ORC4: variants seen among roughly 807,000 people sequenced by gnomAD.
ORC4 encodes origin recognition complex, subunit 4 homolog.
In ORC4, 55 loss-of-function variants were observed where a neutral mutation model predicts 63.9. The ratio of observed to expected loss-of-function variants is 0.86; its 90% confidence interval spans 0.69 to 1.08. The LOEUF (loss-of-function observed/expected upper bound fraction) is 1.08, where lower values mean the gene tolerates loss of function less well. ORC4 is among the 50% of genes least tolerant of loss of function. The probability of loss-of-function intolerance (pLI) is 0.00; values close to 1 mark genes in which losing one functional copy is unlikely to be tolerated. For missense variants in ORC4, 511 were observed against 504.4 expected, an observed-to-expected ratio of 1.01 and a Z score of -0.13; for synonymous variants, 150 against 168.5, an observed-to-expected ratio of 0.89 and a Z score of 0.85.
chr2:147,955,902 A>T (rs1689220051), intron 6 of ORC4, among the ~76,000 whole-genome samples: 1 of 152,008 alleles, frequency 6.6e-6, no homozygotes, highest in Admixed American at 6.6e-5. Context: ...TAGATACTAT[A>T]ACAGTGTTTG....
chr2:147,989,381 T>C (rs1019885928), intron 1 of ORC4, among the ~76,000 whole-genome samples: 1 of 152,074 alleles, frequency 6.6e-6, no homozygotes, highest in Admixed American at 6.6e-5. Context: ...TTTTTTGTTT[T>C]CTCATACCCA....
At chr2:148,013,226 A>C (rs190320437) in intron 1 of ORC4, among the ~76,000 whole-genome samples, 1 of 152,350 alleles carries the variant, frequency 6.6e-6, no homozygotes, top group East Asian at 1.9e-4. Context: ...GTACATATAC[A>C]CAATGGAATG....
chr2:147,975,561 G>T (rs1690500022), intron 2 of ORC4, among the ~76,000 whole-genome samples: 1 of 147,764 alleles, frequency 6.8e-6, no homozygotes, highest in Admixed American at 6.8e-5. Flanking sequence ...CTAGAATTCT[G>T]ACTACCCAGA....
chr2:147,980,478 A>G (rs1431131204), intron 1 of ORC4, among the ~76,000 whole-genome samples: 1 of 152,140 alleles, frequency 6.6e-6, no homozygotes, highest in East Asian at 1.9e-4. Context: ...TGTATAAGGA[A>G]CTAAAAAAAA....
intron 1 of ORC4, among the ~76,000 whole-genome samples, chr2:147,990,644 C>T (rs1691525787): frequency 6.6e-6 from 1 of 152,158 alleles, no homozygotes; most frequent in Non-Finnish European, 1.5e-5. Flanking sequence ...AACTTTTGGA[C>T]CACAGGTGAA....
intron 7 of ORC4, among the ~76,000 whole-genome samples, chr2:147,954,823 T>C (rs1689152318): frequency 6.6e-6 from 1 of 152,142 alleles, no homozygotes. Context: ...GAAAAAGGTA[T>C]TATCAAATAT....
chr2:147,975,763 C>A, intron 2 of ORC4, 139 bp downstream of exon 2: 1 of 682,634 alleles, frequency 1.5e-6, no homozygotes, highest in Non-Finnish European at 2.7e-6. Context: ...GTTAAGGTCT[C>A]GTACTGATAT....
intron 1 of ORC4, among the ~76,000 whole-genome samples, chr2:147,987,891 A>C (rs1354771871): frequency 6.6e-6 from 1 of 151,888 alleles, no homozygotes; most frequent in African/African-American, 2.4e-5. Flanking sequence ...ATCTCTACTA[A>C]AAATACAAAA....
intron 10 of ORC4, among the ~76,000 whole-genome samples, chr2:147,939,650 A>G (rs941671896): frequency 6.6e-6 from 1 of 152,132 alleles, no homozygotes; most frequent in Non-Finnish European, 1.5e-5. Flanking sequence ...CCAATCATCC[A>G]GCCAGGTTAG....
chr2:147,994,467 T>C (rs929978171), intron 1 of ORC4, among the ~76,000 whole-genome samples: 1 of 152,092 alleles, frequency 6.6e-6, no homozygotes, highest in African/African-American at 2.4e-5. Flanking sequence ...TACTAATCAA[T>C]ACAGTGTGAT....
intron 7 of ORC4, among the ~76,000 whole-genome samples, chr2:147,953,496 T>C (rs1689078075): frequency 6.6e-6 from 1 of 152,180 alleles, no homozygotes; most frequent in Non-Finnish European, 1.5e-5. Context: ...GATTAAAATA[T>C]AAGGGGAGTC....
At chr2:147,958,158 C>T (rs1689368400) in intron 6 of ORC4, 140 bp downstream of exon 6, 2 of 614,514 alleles carry the variant, frequency 3.3e-6, no homozygotes, top group East Asian at 2.8e-5. Context: ...ATACATTACA[C>T]ATTTTTATGA....
intron 1 of ORC4, among the ~76,000 whole-genome samples, chr2:148,017,530 G>C (rs2105483279): frequency 6.6e-6 from 1 of 152,272 alleles, no homozygotes; most frequent in Non-Finnish European, 1.5e-5. Context: ...ACATTAGCCA[G>C]GTGTGGTGGC....
In ORC4 at chr2:147,933,187, C is replaced by T. The variant is rs891947729; in HGVS notation, c.*2323G>A. ...CATGCATTTTTTGGTTCTATTTTTCCTCCTCTAGTAAATGAAGAAAATAAG... is the reference window on the plus strand; with the variant it reads ...CATGCATTTTTTGGTTCTATTTTTCTTCCTCTAGTAAATGAAGAAAATAAG... On this transcript the variant is annotated 3_prime_UTR_variant, in exon 14 of 14. Coordinates refer to ENST00000392857, the MANE Select transcript of ORC4 (RefSeq NM_181741.4). 6.6e-6 allele frequency: 1 copy of T among 151,982 alleles called. No homozygotes were observed. Among genetic ancestry groups the T allele is most frequent in the Non-Finnish European group, 1.5e-5 (1 of 67,994 alleles). The allele number at this position is 151,982 out of a possible 1,614,324, so 9.4% of individuals were successfully genotyped here. A position where few individuals can be genotyped will look rare whatever the true frequency, so the allele number is the denominator to read the frequency against.
At position 147,931,513 on chromosome 2, in the gene ORC4, C is replaced by T. The variant is rs2105235845; in HGVS notation, c.*3997G>A. 1 of 152,178 alleles carries T rather than the reference C, an allele frequency of 6.6e-6. No individual in the cohort carries two copies. Among genetic ancestry groups the T allele is most frequent in the East Asian group, 1.9e-4 (1 of 5,174 alleles). 9.4% of individuals were successfully genotyped at this position (152,178 alleles called of 1,614,324 possible). On this transcript the variant is annotated 3_prime_UTR_variant, in exon 14 of 14. Transcript: ENST00000392857. ...TCCTATTTCTCCACATCCTCTCCAG[C>T]ACCTGTTGTTTCCTGACTTTTTAAT...
chr2:148,018,924 T>C (rs921859883), intron 1 of ORC4, among the ~76,000 whole-genome samples: 5 of 152,204 alleles, frequency 3.3e-5, no homozygotes, highest in African/African-American at 1.2e-4. Flanking sequence ...AGCGCTTACA[T>C]AGAGTTCACA....
At position 147,995,489 on chromosome 2, in the gene ORC4, G is replaced by A. The variant is rs776502160; in HGVS notation, c.-17-19514C>T. ...GCAACCTGCTGGGGTCCCCTTCCAC[G>A]CTGTGGAAGCTTTGTTCTTTCGCTC... On this transcript the variant is annotated intron_variant, in intron 1 of 13. Coordinates refer to ENST00000392857, the MANE Select transcript of ORC4 (RefSeq NM_181741.4). Among the ~76,000 whole-genome samples, 5 of 152,212 alleles carry A rather than the reference G, an allele frequency of 3.3e-5. No homozygotes were observed. The East Asian group carries it at 5.8e-4, about 18-fold the overall frequency.
chr2:147,932,835 T>C lies in ORC4; in HGVS notation c.*2675A>G, dbSNP rs1448038804. Reference sequence around the variant, plus strand: ...AATTGCTTTCTAAACCAGATGAGGATCAGAGTGCGAACCATGGTGAAATAT... The same window carrying C: ...AATTGCTTTCTAAACCAGATGAGGACCAGAGTGCGAACCATGGTGAAATAT... On this transcript the variant is annotated 3_prime_UTR_variant, in exon 14 of 14. Coordinates refer to ENST00000392857, the MANE Select transcript of ORC4 (RefSeq NM_181741.4). 1 of 152,054 alleles carries C rather than the reference T, an allele frequency of 6.6e-6. No individual in the cohort carries two copies. Among genetic ancestry groups the C allele is most frequent in the Admixed American group, 6.6e-5 (1 of 15,218 alleles). 9.4% of individuals were successfully genotyped at this position (152,054 alleles called of 1,614,324 possible).
At chr2:147,952,579 A>G in intron 7 of ORC4, 55 bp from the exon 8 acceptor site, 1 of 1,353,948 alleles carries the variant, frequency 7.4e-7, no homozygotes, top group Non-Finnish European at 1.1e-6. Flanking sequence ...CCTTTCCTAA[A>G]TTTCCAAACC....
Sources: allele counts gnomAD v4.1 joint callset (sites outside exome capture counted in the v4.1 genomes callset), GRCh38; gene constraint gnomAD v4.1.1; transcripts MANE v1.5; gene names NCBI Gene and HGNC (gene_info 2026-07-23, HGNC 2026-07-21).